Variants in BBS9 observed in about 807,000 individuals in gnomAD.
BBS9 encodes the protein protein PTHB1.
A neutral mutation model predicts 117.7 loss-of-function variants in BBS9; 89 were observed. That is an observed-to-expected ratio of 0.76 (90% CI 0.64 to 0.90). The LOEUF (loss-of-function observed/expected upper bound fraction) is 0.90, where lower values mean the gene tolerates loss of function less well. BBS9 is among the 40% of genes least tolerant of loss of function. The probability of loss-of-function intolerance (pLI) is 0.00; values close to 1 mark genes in which losing one functional copy is unlikely to be tolerated. For missense variants in BBS9, 982 were observed against 1,042.2 expected (o/e 0.94, Z 0.80); for synonymous variants, 379 against 370.9 (o/e 1.02, Z -0.25).
At chr7:33,481,601 A>G (rs1355998954) in intron 19 of BBS9, among the ~76,000 whole-genome samples, 1 of 152,206 alleles carries the variant, frequency 6.6e-6, no homozygotes, top group Non-Finnish European at 1.5e-5. Context: ...ATGTCCATAT[A>G]TGTGTAGGTA....
At chr7:33,491,939 CCTGTTAT>C (rs1465484942) in intron 19 of BBS9, among the ~76,000 whole-genome samples, 1 of 151,808 alleles carries the variant, frequency 6.6e-6, no homozygotes, top group Non-Finnish European at 1.5e-5. Flanking sequence ...GTGGCTCATG[CCTGTTAT>C]CTCAGCACTT....
chr7:33,501,744 G>C (rs1028865834), intron 19 of BBS9, among the ~76,000 whole-genome samples: 1 of 152,160 alleles, frequency 6.6e-6, no homozygotes, highest in Non-Finnish European at 1.5e-5. Flanking sequence ...GCTGCTTAGA[G>C]TGCAGCCTCC....
chr7:33,340,489 C>T (rs1816291974), intron 10 of BBS9, among the ~76,000 whole-genome samples: 1 of 152,044 alleles, frequency 6.6e-6, no homozygotes, highest in Non-Finnish European at 1.5e-5. Context: ...CATTAGAGAC[C>T]TCCTTGGGCA....
intron 20 of BBS9, among the ~76,000 whole-genome samples, chr7:33,511,906 G>A (rs911719039): frequency 5.9e-5 from 9 of 152,194 alleles, no homozygotes; most frequent in African/African-American, 1.4e-4. Context: ...TGATGACTGC[G>A]ATGGCTAATC....
At chr7:33,468,286 G>A (rs78631052) in intron 19 of BBS9, among the ~76,000 whole-genome samples, 2,213 of 152,178 alleles carry the variant, frequency 0.015, 26 homozygotes, top group Non-Finnish European at 0.021. Flanking sequence ...TTAGAAAACT[G>A]TTCTAATGGC....
At chr7:33,509,733 C>T (rs16879163) in intron 20 of BBS9, among the ~76,000 whole-genome samples, 2,708 of 152,260 alleles carry the variant, frequency 0.018, 90 homozygotes, top group African/African-American at 0.062. Flanking sequence ...TGTTAAAAGG[C>T]AGCCTAAATG....
intron 15 of BBS9, among the ~76,000 whole-genome samples, chr7:33,353,467 A>G (rs1053195047): frequency 3.9e-5 from 6 of 152,072 alleles, no homozygotes; most frequent in African/African-American, 1.4e-4. Context: ...TCACAATATG[A>G]ACTTAATTAA....
At chr7:33,521,151 A>G (rs564188362) in intron 20 of BBS9, among the ~76,000 whole-genome samples, 9 of 152,322 alleles carry the variant, frequency 5.9e-5, no homozygotes, top group South Asian at 4.1e-4. Flanking sequence ...ATCACGTTTT[A>G]TAATAATTCA....
At chr7:33,326,397 G>A (rs530008448) in intron 9 of BBS9, among the ~76,000 whole-genome samples, 141 of 152,078 alleles carry the variant, frequency 9.3e-4, no homozygotes, top group African/African-American at 3.3e-3. Flanking sequence ...TCCCCTCTCA[G>A]GGCAGGTCCT....
chr7:33,604,785 G>A, intron 21 of BBS9, 80 bp from the exon 22 acceptor site: 4 of 925,570 alleles, frequency 4.3e-6, no homozygotes, highest in South Asian at 1.4e-5. Context: ...TGATCAGTGT[G>A]TTCCTAAGCT....
chr7:33,279,676 C>G (rs1215481933), intron 9 of BBS9, among the ~76,000 whole-genome samples: 1 of 152,178 alleles, frequency 6.6e-6, no homozygotes, highest in East Asian at 1.9e-4. Context: ...TTGTTTATTA[C>G]ATACCAGTTC....
At chr7:33,375,978 T>C (rs888101603) in intron 17 of BBS9, among the ~76,000 whole-genome samples, 1 of 152,120 alleles carries the variant, frequency 6.6e-6, no homozygotes, top group Non-Finnish European at 1.5e-5. Flanking sequence ...AAACTAAAAA[T>C]TTAAAGTTAC....
In BBS9 at chr7:33,349,169, G is replaced by A. The variant is rs1443035026; in HGVS notation, c.1431G>A (p.Met477Ile). 3 of 1,607,172 alleles carry A rather than the reference G, an allele frequency of 1.9e-6. No individual in the cohort carries two copies. In the African/African-American group the frequency reaches 4.0e-5, roughly 21 times the overall value. ...GTGATCAGTTCACCTTTGAATTTAT[G>A]AGTAAGTTTTTTGTTTTGGCTGAAA... is the stretch of plus-strand genomic sequence containing the variant. ...LTCDQFTFEFMTPDLTRTVSF... is the reference protein window; with the variant it reads ...LTCDQFTFEFITPDLTRTVSF... The change falls in exon 13 of 23, where the codon ATG (methionine) becomes ATA (isoleucine). Residue 477 changes from methionine to isoleucine, a missense_variant and splice_region_variant. Transcript: ENST00000242067.
chr7:33,323,258 TA>T (rs1052899899), intron 9 of BBS9, among the ~76,000 whole-genome samples: 25 of 152,160 alleles, frequency 1.6e-4, no homozygotes, highest in African/African-American at 6.0e-4. Context: ...ATTTGGTTTG[TA>T]ATGCTGGTTA....
chr7:33,485,445 G>A (rs961803132), intron 19 of BBS9, among the ~76,000 whole-genome samples: 11 of 151,958 alleles, frequency 7.2e-5, no homozygotes, highest in Non-Finnish European at 1.3e-4. Context: ...GAGTAGCTGG[G>A]ACTACAGGCG....
At chr7:33,433,515 C>G (rs1338737170) in intron 19 of BBS9, among the ~76,000 whole-genome samples, 2 of 152,120 alleles carry the variant, frequency 1.3e-5, no homozygotes, top group East Asian at 3.8e-4. Flanking sequence ...TTTTTTCCAT[C>G]AGCTTATAAC....
intron 20 of BBS9, among the ~76,000 whole-genome samples, chr7:33,522,447 T>C (rs1217757238): frequency 6.6e-6 from 1 of 151,518 alleles, no homozygotes; most frequent in African/African-American, 2.4e-5. Flanking sequence ...TTCTAACTGG[T>C]GTGAGATGGT....
intron 21 of BBS9, among the ~76,000 whole-genome samples, chr7:33,633,200 T>C (rs188095378): frequency 6.6e-6 from 1 of 152,308 alleles, no homozygotes; most frequent in African/African-American, 2.4e-5. Context: ...CTGATTTGAT[T>C]GAATTGTTTG....
chr7:33,336,544 C>T lies in BBS9; in HGVS notation c.1120C>T (p.Arg374Ter), dbSNP rs998200637. ...GTTCCAAGCTCCAAACGTTCAATCT[C>T]GAGAACTAAACTATGATGAACTTGA... ...SLFQAPNVQS[R>*]ELNYDELDVE... Residue 374 changes from arginine (R) to a stop codon, truncating the protein, a stop_gained, in exon 10 of 23, where the codon CGA becomes TGA. Coordinates refer to ENST00000242067, the MANE Select transcript of BBS9 (RefSeq NM_198428.3). LOFTEE classifies it high-confidence loss of function. 24 of 1,613,052 alleles carry T rather than the reference C, an allele frequency of 1.5e-5. No homozygotes were observed. The highest frequency in any genetic ancestry group is 2.7e-5 in the African/African-American group (2 of 74,898).
Sources: gnomAD v4.1 joint callset for allele counts (sites outside exome capture counted in the v4.1 genomes callset) on GRCh38, gnomAD v4.1.1 for gene constraint, MANE v1.5 for transcripts, NCBI Gene and HGNC (gene_info 2026-07-23, HGNC 2026-07-21) for gene names.